Variants in FILIP1L observed in about 807,000 individuals in gnomAD.
The protein encoded by FILIP1L is filamin A-interacting protein 1-like.
Under a neutral mutation model 96.6 loss-of-function variants are expected in FILIP1L, and 55 were observed. The ratio of observed to expected loss-of-function variants is 0.57; its 90% CI spans 0.46 to 0.71. FILIP1L has a LOEUF of 0.71. FILIP1L is among the 30% of genes least tolerant of loss of function. The pLI, the probability that FILIP1L is intolerant of heterozygous loss-of-function variation, is 0.00. For synonymous variants in FILIP1L, 467 were observed against 473.9 expected (o/e 0.99, Z 0.19); for missense variants, 1,304 against 1,321.2 (o/e 0.99, Z 0.20).
intron 1 of FILIP1L, among the ~76,000 whole-genome samples, chr3:99,975,485 G>A (rs778719880): frequency 6.6e-6 from 1 of 151,940 alleles, no homozygotes; most frequent in African/African-American, 2.4e-5. Context: ...CCAGCTACTC[G>A]GGAGGCTGAG....
At chr3:99,962,386 C>T (rs746723538) in intron 1 of FILIP1L, among the ~76,000 whole-genome samples, 5 of 152,094 alleles carry the variant, frequency 3.3e-5, no homozygotes, top group Non-Finnish European at 7.4e-5. Context: ...CTATGGGCAA[C>T]ATAAAAGGTT....
chr3:100,008,580 G>T (rs953051972), intron 1 of FILIP1L, among the ~76,000 whole-genome samples: 5 of 152,162 alleles, frequency 3.3e-5, no homozygotes, highest in Admixed American at 6.5e-5. Flanking sequence ...ACAAAAAGAA[G>T]GACAATAGCA....
intron 1 of FILIP1L, among the ~76,000 whole-genome samples, chr3:99,967,842 A>G (rs967218400): frequency 4.6e-5 from 7 of 152,156 alleles, no homozygotes; most frequent in Admixed American, 3.3e-4. Context: ...TGATGTGGAG[A>G]ATGAAAGAGA....
At chr3:99,895,497 CT>C (rs1443335777) in intron 4 of FILIP1L, among the ~76,000 whole-genome samples, 2 of 151,658 alleles carry the variant, frequency 1.3e-5, no homozygotes, top group Admixed American at 1.3e-4. Flanking sequence ...GGCTGATCTC[CT>C]TTTGCAGAAG....
At chr3:100,093,191 C>T (rs2066143052) in intron 1 of FILIP1L, among the ~76,000 whole-genome samples, 1 of 152,082 alleles carries the variant, frequency 6.6e-6, no homozygotes, top group South Asian at 2.1e-4. Flanking sequence ...GGACCTCTGG[C>T]CTAACATATT....
At chr3:99,938,660 A>C (rs1012975594) in intron 1 of FILIP1L, among the ~76,000 whole-genome samples, 5 of 152,196 alleles carry the variant, frequency 3.3e-5, no homozygotes, top group African/African-American at 1.2e-4. Context: ...TGGGGTTCTC[A>C]GCAGAGCTGG....
At chr3:100,023,942 GA>G (rs1263662347) in intron 1 of FILIP1L, among the ~76,000 whole-genome samples, 6 of 152,130 alleles carry the variant, frequency 3.9e-5, no homozygotes, top group Non-Finnish European at 7.4e-5. Context: ...AGCAGTTAAA[GA>G]AATCTTTACT....
chr3:99,958,242 TA>T (rs1241197302), intron 1 of FILIP1L, among the ~76,000 whole-genome samples: 2 of 143,764 alleles, frequency 1.4e-5, no homozygotes, highest in Non-Finnish European at 1.5e-5. Flanking sequence ...TTATTATTAT[TA>T]TTATTATTTG....
intron 1 of FILIP1L, among the ~76,000 whole-genome samples, chr3:100,053,126 C>T (rs1177301872): frequency 6.6e-6 from 1 of 152,112 alleles, no homozygotes; most frequent in Non-Finnish European, 1.5e-5. Flanking sequence ...ATATATTGCT[C>T]CAATTTGGGG....
At chr3:100,012,767 T>C (rs1185048445) in intron 1 of FILIP1L, among the ~76,000 whole-genome samples, 1 of 147,106 alleles carries the variant, frequency 6.8e-6, no homozygotes, top group Non-Finnish European at 1.5e-5. Context: ...TATTCTTTTT[T>C]TTTTTTTTTT....
intron 1 of FILIP1L, among the ~76,000 whole-genome samples, chr3:100,074,815 T>C (rs2107384785): frequency 6.6e-6 from 1 of 150,404 alleles, no homozygotes; most frequent in African/African-American, 2.4e-5. Flanking sequence ...TACCTCAGCT[T>C]CCAGAGTAGC....
At position 100,038,583 on chromosome 3, in the gene FILIP1L, G is replaced by A. The variant is rs557490520; in HGVS notation, c.-11+75470C>T. Among the ~76,000 whole-genome samples, 4 of 152,242 alleles carry A rather than the reference G, an allele frequency of 2.6e-5. No individual in the cohort carries two copies. The East Asian group carries it at 7.7e-4, about 29-fold the overall frequency. On this transcript the variant is annotated intron_variant, in intron 1 of 5. Transcript: ENST00000477258. ...AAATAACCTAAATGTACTTTTGTAG[G>A]GACTGGAAGTAAATAGGATTATTCA... is the stretch of plus-strand genomic sequence containing the variant.
chr3:100,078,027 G>T (rs2065876720), intron 1 of FILIP1L, among the ~76,000 whole-genome samples: 1 of 151,598 alleles, frequency 6.6e-6, no homozygotes, highest in Admixed American at 6.6e-5. Flanking sequence ...ATTATTAATT[G>T]TACTAACAAT....
intron 1 of FILIP1L, among the ~76,000 whole-genome samples, chr3:100,033,692 C>CT (rs2065058346): frequency 6.6e-6 from 1 of 152,070 alleles, no homozygotes; most frequent in African/African-American, 2.4e-5. Context: ...GAAAGTGCCT[C>CT]TTTGACAATT....
intron 4 of FILIP1L, among the ~76,000 whole-genome samples, chr3:99,886,500 A>G (rs186882323): frequency 4.2e-4 from 64 of 152,264 alleles, no homozygotes; most frequent in Admixed American, 6.5e-4. Flanking sequence ...GTCCTGGGTC[A>G]CTTGCAACCC....
Position 99,969,559 on chromosome 3 carries a change from G to A in FILIP1L, c.-10-38529C>T, listed in dbSNP as rs114361444. ...AAGAATGGTTGAAGTAATGAGCCGT[G>A]CTATCCCAACTGGGTAAAGCAGTGA... is the stretch of plus-strand genomic sequence containing the variant. On this transcript the variant is annotated intron_variant, in intron 1 of 5. Transcript: ENST00000477258. Among the ~76,000 whole-genome samples, 1,363 of 152,256 alleles carry A rather than the reference G, an allele frequency of 9.0e-3. 13 individuals are homozygous for A. The highest frequency in any genetic ancestry group is 0.014 in the Non-Finnish European group (936 of 68,018).
intron 4 of FILIP1L, among the ~76,000 whole-genome samples, chr3:99,906,855 C>T (rs988406272): frequency 2.6e-5 from 4 of 152,158 alleles, no homozygotes; most frequent in African/African-American, 9.7e-5. Context: ...CCATTTTCCC[C>T]ACCCATGCCC....
At chr3:100,068,768 C>T (rs1218245442) in intron 1 of FILIP1L, among the ~76,000 whole-genome samples, 8 of 152,282 alleles carry the variant, frequency 5.3e-5, no homozygotes, top group Non-Finnish European at 1.5e-5. Flanking sequence ...GCTGGGAATA[C>T]AGGCGCCCAC....
rs566246966 is a variant in FILIP1L at position 99,848,850 on chromosome 3, T to G, written c.2826A>C (p.Pro942=). 82 of 1,614,120 alleles carry G rather than the reference T, an allele frequency of 5.1e-5. 1 individual carries two copies. Among genetic ancestry groups the G allele is most frequent in the Non-Finnish European group, 6.7e-5 (79 of 1,180,006 alleles). The part of the protein sequence containing the change: ...STAVIPNCGT[P]KQRITILQNA... ...TTTGGAGGATGGTTATCCTTTGCTT[T>G]GGCGTGCCACAGTTCGGTATCACTG... The change falls in exon 5 of 6, where the codon CCA becomes CCC. Residue 942 remains proline, a synonymous_variant. Coordinates refer to ENST00000477258, the MANE Select transcript of FILIP1L (RefSeq NM_001387850.1).
Sources: allele counts gnomAD v4.1 joint callset (sites outside exome capture counted in the v4.1 genomes callset), GRCh38; gene constraint gnomAD v4.1.1; transcripts MANE v1.5; gene names NCBI Gene and HGNC (gene_info 2026-07-23, HGNC 2026-07-21).